The following NCK2 variants were observed in gnomAD, a reference collection of about 807,000 sequenced individuals.
NCK2 encodes the protein cytoplasmic protein NCK2.
NCK2 carries 16 observed loss-of-function variants against 33.9 expected under a neutral mutation model. That is an observed-to-expected ratio of 0.47 (90% CI 0.32 to 0.72). The LOEUF is 0.72. Among genes scored for constraint, NCK2 ranks in the 30% least tolerant of loss-of-function variants. The probability of loss-of-function intolerance (pLI) is 0.03; values close to 1 mark genes in which losing one functional copy is unlikely to be tolerated. For synonymous variants in NCK2, 273 were observed against 239.9 expected (o/e 1.14, Z -1.27); for missense variants, 418 against 537.3 (o/e 0.78, Z 2.19).
chr2:105,766,579 T>C lies in NCK2; in HGVS notation c.-201+21441T>C, dbSNP rs117803435. Among the ~76,000 whole-genome samples the C allele has an allele frequency of 1.9e-3, 293 of 152,280 alleles. 5 individuals carry two copies. The East Asian group carries it at 0.044, about 23-fold the overall frequency. ...CTTAAGGGATCCTCCCACCTCAGCC[T>C]CCCAAAATGTAGGGATTACAGACTT... On this transcript the variant is annotated intron_variant, in intron 1 of 4. Transcript: ENST00000233154.
chr2:105,873,503 G>A (rs1002874690), intron 3 of NCK2, among the ~76,000 whole-genome samples: 5 of 152,056 alleles, frequency 3.3e-5, no homozygotes, highest in East Asian at 3.9e-4. Flanking sequence ...CTGATCCACC[G>A]CCACCACCAC....
chr2:105,767,115 G>A (rs895798794), intron 1 of NCK2, among the ~76,000 whole-genome samples: 6 of 152,174 alleles, frequency 3.9e-5, no homozygotes, highest in Admixed American at 6.5e-5. Flanking sequence ...TATCTCTCTG[G>A]AGCCAGGGAG....
chr2:105,821,186 TACTC>T (rs1356109866), intron 2 of NCK2, among the ~76,000 whole-genome samples: 5 of 152,272 alleles, frequency 3.3e-5, no homozygotes, highest in African/African-American at 1.2e-4. Context: ...TGGAATTTAC[TACTC>T]ACTTTTATCA....
chr2:105,888,040 G>A (rs549446135), intron 4 of NCK2, among the ~76,000 whole-genome samples: 7 of 152,276 alleles, frequency 4.6e-5, no homozygotes, highest in African/African-American at 1.7e-4. Flanking sequence ...CCCGGTGTGG[G>A]GATGTGGAGC....
intron 1 of NCK2, among the ~76,000 whole-genome samples, chr2:105,766,838 T>G (rs1212024057): frequency 6.6e-6 from 1 of 152,226 alleles, no homozygotes. Context: ...TAGTGAGTAG[T>G]GTTAGTTTGA....
intron 4 of NCK2, among the ~76,000 whole-genome samples, chr2:105,886,155 T>A (rs1316410556): frequency 1.3e-5 from 2 of 152,250 alleles, no homozygotes; most frequent in Non-Finnish European, 2.9e-5. Context: ...TAACAAGTTA[T>A]TTTTAATTGC....
At chr2:105,827,246 G>A (rs186532190) in intron 2 of NCK2, among the ~76,000 whole-genome samples, 701 of 152,234 alleles carry the variant, frequency 4.6e-3, no homozygotes, top group Middle Eastern at 0.014. Flanking sequence ...TGATCTACCC[G>A]CCTTGGCCTC....
At chr2:105,763,391 CAG>C (rs1319988591) in intron 1 of NCK2, among the ~76,000 whole-genome samples, 2 of 152,172 alleles carry the variant, frequency 1.3e-5, no homozygotes, top group Admixed American at 1.3e-4. Context: ...TGCTGCCTAA[CAG>C]AACTCTTTCC....
chr2:105,825,925 A>G (rs76496845), intron 2 of NCK2, among the ~76,000 whole-genome samples: 3,069 of 152,298 alleles, frequency 0.02, 103 homozygotes, highest in African/African-American at 0.069. Context: ...TCCTGGCTCC[A>G]TTAGATCTTG....
At chr2:105,781,831 C>G (rs1367556439) in intron 1 of NCK2, among the ~76,000 whole-genome samples, 1 of 152,194 alleles carries the variant, frequency 6.6e-6, no homozygotes, top group Non-Finnish European at 1.5e-5. Flanking sequence ...GATAAGGACT[C>G]TGGCCACGTA....
In NCK2 at chr2:105,814,583, G is replaced by A. The variant is rs147661179; in HGVS notation, c.-200-1847G>A. Among the ~76,000 whole-genome samples, 12 of 152,264 alleles carry A rather than the reference G, an allele frequency of 7.9e-5. No homozygotes were observed. The East Asian group carries it at 2.1e-3, about 27-fold the overall frequency. ...CTGCTCAGGCTTTTGGTTTGCTGTT[G>A]GCATAAGGAGTCTCTCCTCTGTTCG... On this transcript the variant is annotated intron_variant, in intron 1 of 4. Coordinates refer to ENST00000233154, the MANE Select transcript of NCK2 (RefSeq NM_003581.5).
In NCK2 at chr2:105,878,239, CATCAGCTG is replaced by C. The variant is rs767509799; in HGVS notation, c.227-3087_227-3080del. 1.3e-4 allele frequency among the ~76,000 whole-genome samples: 20 copies of C among 152,336 alleles called. No homozygotes were observed. In the South Asian group the frequency reaches 1.9e-3, roughly 14 times the overall value. On this transcript the variant is annotated intron_variant, in intron 3 of 4. Coordinates refer to ENST00000233154, the MANE Select transcript of NCK2 (RefSeq NM_003581.5). ...ACAGAGCACTTCCTGTGCTTTATAG[CATCAGCTG>C]AACGCTGGTGCCTGTCATGGGCCAG...
intron 2 of NCK2, among the ~76,000 whole-genome samples, chr2:105,822,670 A>G (rs2104501093): frequency 6.6e-6 from 1 of 152,156 alleles, no homozygotes; most frequent in South Asian, 2.1e-4. Context: ...AGAAACAAAA[A>G]CAAAAAAGCC....
intron 3 of NCK2, chr2:105,856,952 C>T (rs978457886): frequency 2.6e-5 from 4 of 151,788 alleles, no homozygotes; most frequent in Admixed American, 2.6e-4. Context: ...TTTATTTTTC[C>T]AATTTCTACC....
chr2:105,832,532 T>C (rs1379559114), intron 2 of NCK2, among the ~76,000 whole-genome samples: 5 of 152,202 alleles, frequency 3.3e-5, no homozygotes, highest in Non-Finnish European at 1.5e-5. Flanking sequence ...ATCAAAATGG[T>C]TTTCTACATT....
intron 2 of NCK2, among the ~76,000 whole-genome samples, chr2:105,843,525 TGCAAGAAAA>T (rs890303445): frequency 3.9e-5 from 6 of 152,066 alleles, no homozygotes; most frequent in Non-Finnish European, 7.4e-5. Flanking sequence ...GTAGAAAATA[TGCAAGAAAA>T]GCCCAGAGCA....
intron 4 of NCK2, among the ~76,000 whole-genome samples, chr2:105,889,226 G>C (rs576034368): frequency 6.6e-6 from 1 of 152,352 alleles, no homozygotes; most frequent in East Asian, 1.9e-4. Flanking sequence ...CAGTGTCCCA[G>C]CTGTCCCTTC....
chr2:105,816,699 C>T (rs1334616018), intron 2 of NCK2, 86 bp downstream of exon 2: 1 of 152,168 alleles, frequency 6.6e-6, no homozygotes, highest in African/African-American at 2.4e-5. Flanking sequence ...AGTAAAATAT[C>T]AGTCAGTGTA....
At chr2:105,744,890 C>CGCCGCCGCCGCT (rs1553448953), upstream of NCK2, 5 of 160,688 alleles carry the variant, frequency 3.1e-5, no homozygotes, top group South Asian at 3.4e-4. Flanking sequence ...CCGCCGCCGC[C>CGCCGCCGCCGCT]GCCGCTGCCG....
Sources: allele counts gnomAD v4.1 joint callset (sites outside exome capture counted in the v4.1 genomes callset), GRCh38; gene constraint gnomAD v4.1.1; transcripts MANE v1.5; gene names NCBI Gene and HGNC (gene_info 2026-07-23, HGNC 2026-07-21).